PCSK6: variants seen among roughly 807,000 people sequenced by gnomAD.
PCSK6 encodes the protein paired basic amino acid cleaving enzyme 4.
In PCSK6, 85 loss-of-function variants were observed where a neutral mutation model predicts 123.3. The observed-to-expected ratio is 0.69, with a 90% confidence interval of 0.58 to 0.83. The LOEUF is 0.83. Ranked by LOEUF, PCSK6 falls within the 40% of genes least tolerant of loss-of-function variation. The pLI, the probability that PCSK6 is intolerant of heterozygous loss-of-function variation, is 0.00. For missense variants in PCSK6, 1,191 were observed against 1,282.3 expected (o/e 0.93, Z 1.09); for synonymous variants, 508 against 516.0 (o/e 0.98, Z 0.21).
chr15:101,383,067 A>G (rs941925712), intron 10 of PCSK6, among the ~76,000 whole-genome samples: 4 of 152,318 alleles, frequency 2.6e-5, no homozygotes, highest in East Asian at 1.9e-4. Flanking sequence ...CCTCCCTAAC[A>G]TAAATACTAC....
In PCSK6 at chr15:101,489,698, A is replaced by G; in HGVS notation, c.-28T>C. On this transcript the variant is annotated 5_prime_UTR_variant, in exon 1 of 22. Coordinates refer to ENST00000611716, the MANE Select transcript of PCSK6 (RefSeq NM_002570.5). ...CGGCGACAGGCTCGCGCGGCGCCCG[A>G]GCTGCGAGTGCGCCGGGGGGTGGAG... 3.2e-6 allele frequency: 3 copies of G among 946,530 alleles called. No individual in the cohort carries two copies. The highest frequency in any genetic ancestry group is 3.8e-6 in the Non-Finnish European group (3 of 799,432). The allele number at this position is 946,530 out of a possible 1,614,324, so 58.6% of individuals were successfully genotyped here. A position where few individuals can be genotyped will look rare whatever the true frequency, so the allele number is the denominator to read the frequency against.
chr15:101,480,371 C>T (rs757088253), intron 1 of PCSK6, among the ~76,000 whole-genome samples: 9 of 152,228 alleles, frequency 5.9e-5, no homozygotes, highest in East Asian at 3.9e-4. Context: ...CCCTGTGGAG[C>T]GCAGCTTGTT....
chr15:101,320,964 G>C (rs964100192), intron 18 of PCSK6, among the ~76,000 whole-genome samples: 1 of 152,190 alleles, frequency 6.6e-6, no homozygotes, highest in Non-Finnish European at 1.5e-5. Flanking sequence ...TTGAGTATCC[G>C]ATTTCCCTCT....
chr15:101,394,701 C>T (rs2141559332), intron 7 of PCSK6, among the ~76,000 whole-genome samples: 1 of 152,354 alleles, frequency 6.6e-6, no homozygotes, highest in Non-Finnish European at 1.5e-5. Flanking sequence ...CTGCTGCTGA[C>T]CAAACATGTC....
chr15:101,306,128 AGGAGTGGGGATGGGG>A (rs1477428092), intron 21 of PCSK6, among the ~76,000 whole-genome samples: 1 of 114,828 alleles, frequency 8.7e-6, no homozygotes, highest in Non-Finnish European at 1.8e-5. Flanking sequence ...GCGGACAGGG[AGGAGTGGGGATGGGG>A]GGAAGGGAGC....
chr15:101,424,074 T>C (rs917399873), intron 6 of PCSK6, among the ~76,000 whole-genome samples: 6 of 151,664 alleles, frequency 4.0e-5, no homozygotes, highest in Non-Finnish European at 7.4e-5. Flanking sequence ...AAAAGGTGTG[T>C]GTTTTTTTTA....
chr15:101,442,174 T>C (rs565962490), intron 2 of PCSK6, among the ~76,000 whole-genome samples: 16 of 152,314 alleles, frequency 1.1e-4, no homozygotes, highest in Non-Finnish European at 1.9e-4. Context: ...CTCACCCCCA[T>C]GTGATGGGGT....
At chr15:101,360,308 T>C (rs1262534425) in intron 13 of PCSK6, among the ~76,000 whole-genome samples, 1 of 152,174 alleles carries the variant, frequency 6.6e-6, no homozygotes, top group East Asian at 1.9e-4. Context: ...ATCACCTCTG[T>C]CCTCTGCCTA....
At chr15:101,344,384 G>A (rs570122184) in intron 13 of PCSK6, among the ~76,000 whole-genome samples, 1 of 152,302 alleles carries the variant, frequency 6.6e-6, no homozygotes, top group Non-Finnish European at 1.5e-5. Context: ...TTACCAATAT[G>A]TATAGACCCT....
At chr15:101,360,172 C>T (rs139320228) in intron 13 of PCSK6, among the ~76,000 whole-genome samples, 47 of 152,276 alleles carry the variant, frequency 3.1e-4, no homozygotes, top group African/African-American at 1.1e-3. Context: ...CTGATGCTGC[C>T]CCGTCGGAGT....
intron 1 of PCSK6, among the ~76,000 whole-genome samples, chr15:101,482,079 C>T (rs1481169215): frequency 6.6e-6 from 1 of 152,248 alleles, no homozygotes; most frequent in Non-Finnish European, 1.5e-5. Context: ...TGCCTCTTGT[C>T]TGTTCATTCT....
chr15:101,429,866 G>A lies in PCSK6; in HGVS notation c.734+121C>T, dbSNP rs371778099. On this transcript the variant is annotated intron_variant, in intron 5 of 21. Transcript: ENST00000611716. Reference sequence around the variant, plus strand: ...TGTGACTCCTGGAGAAGCCTGCCTCGCGCCCAGGCAGGGAAGATACGCCGG... The same window carrying A: ...TGTGACTCCTGGAGAAGCCTGCCTCACGCCCAGGCAGGGAAGATACGCCGG... 270 of 805,872 alleles carry A rather than the reference G, an allele frequency of 3.4e-4. 3 individuals are homozygous for A. Among genetic ancestry groups the A allele is most frequent in the South Asian group, 3.2e-3 (203 of 63,492 alleles). 49.9% of individuals were successfully genotyped at this position (805,872 alleles called of 1,614,324 possible). A position where few individuals can be genotyped will look rare whatever the true frequency, so the allele number is the denominator to read the frequency against.
At chr15:101,372,934 C>A (rs2041628639) in intron 11 of PCSK6, among the ~76,000 whole-genome samples, 2 of 152,028 alleles carry the variant, frequency 1.3e-5, no homozygotes, top group Admixed American at 6.5e-5. Context: ...AGAAATAGAC[C>A]TGGAATCCTT....
At chr15:101,341,302 G>A (rs887049763) in intron 13 of PCSK6, among the ~76,000 whole-genome samples, 1 of 146,878 alleles carries the variant, frequency 6.8e-6, no homozygotes, top group African/African-American at 2.5e-5. Flanking sequence ...AGGCTGGAGT[G>A]CAGTGGTGCA....
intron 6 of PCSK6, among the ~76,000 whole-genome samples, chr15:101,415,497 C>T (rs1004262483): frequency 6.6e-6 from 1 of 152,200 alleles, no homozygotes; most frequent in Non-Finnish European, 1.5e-5. Flanking sequence ...TTCAAAAATA[C>T]ACTTGTGTGA....
At chr15:101,356,335 G>A (rs2041040127) in intron 13 of PCSK6, among the ~76,000 whole-genome samples, 4 of 152,138 alleles carry the variant, frequency 2.6e-5, no homozygotes, top group Admixed American at 2.0e-4. Context: ...AGGTCCTAGT[G>A]TTCCCAAATC....
intron 5 of PCSK6, among the ~76,000 whole-genome samples, chr15:101,428,810 C>T (rs1363990340): frequency 4.6e-5 from 7 of 152,246 alleles, no homozygotes; most frequent in Non-Finnish European, 1.0e-4. Context: ...AGCCACACAG[C>T]TTCAAGGCCA....
At position 101,304,298 on chromosome 15, in the gene PCSK6, T is replaced by TACACAG. The variant is rs1344079289; in HGVS notation, c.*954_*959dup. On this transcript the variant is annotated 3_prime_UTR_variant, in exon 22 of 22. Transcript: ENST00000611716. The stretch of plus-strand genomic sequence containing the variant: ...AACTGTGTCATGTAGGCTTGTAATA[T>TACACAG]ACACAGACACAGGAGTTTCCACCTT... 1 of 152,548 alleles carries TACACAG rather than the reference T, an allele frequency of 6.6e-6. No homozygotes were observed. The highest frequency in any genetic ancestry group is 1.5e-5 in the Non-Finnish European group (1 of 68,040). 9.4% of individuals were successfully genotyped at this position (152,548 alleles called of 1,614,324 possible). A position where few individuals can be genotyped will look rare whatever the true frequency, so the allele number is the denominator to read the frequency against.
chr15:101,331,735 A>C lies in PCSK6; in HGVS notation c.2039-46T>G, dbSNP rs556692418. ...ATGATTATTATGACTCCCAGGCAAGAGAGACACACAACCATCAGCCCCACC... is the reference window on the plus strand; with the variant it reads ...ATGATTATTATGACTCCCAGGCAAGCGAGACACACAACCATCAGCCCCACC... On this transcript the variant is annotated intron_variant, in intron 14 of 21. Coordinates refer to ENST00000611716, the MANE Select transcript of PCSK6 (RefSeq NM_002570.5). 45 of 1,519,780 alleles carry C rather than the reference A, an allele frequency of 3.0e-5. No individual in the cohort carries two copies. In the African/African-American group the frequency reaches 7.8e-4, roughly 26 times the overall value. 94.1% of individuals were successfully genotyped at this position (1,519,780 alleles called of 1,614,324 possible). A position where few individuals can be genotyped will look rare whatever the true frequency, so the allele number is the denominator to read the frequency against.
Sources: allele counts gnomAD v4.1 joint callset (sites outside exome capture counted in the v4.1 genomes callset), GRCh38; gene constraint gnomAD v4.1.1; transcripts MANE v1.5; gene names NCBI Gene and HGNC (gene_info 2026-07-23, HGNC 2026-07-21).